The following GRIN2A variants were observed in gnomAD, a reference collection of about 807,000 sequenced individuals.
GRIN2A encodes glutamate receptor ionotropic, NMDA 2A.
A neutral mutation model predicts 113.4 loss-of-function variants in GRIN2A; 22 were observed. The observed-to-expected ratio is 0.19, with a 90% CI of 0.14 to 0.28. The LOEUF (loss-of-function observed/expected upper bound fraction) is 0.28, where lower values mean the gene tolerates loss of function less well. Ranked by LOEUF, GRIN2A falls within the 10% of genes least tolerant of loss-of-function variation. The pLI is 1.00. For synonymous variants in GRIN2A, 827 were observed against 738.4 expected, an observed-to-expected ratio of 1.12 and a Z score of -1.94; for missense variants, 1,502 against 1,887.0, an observed-to-expected ratio of 0.80 and a Z score of 3.78.
intron 2 of GRIN2A, among the ~76,000 whole-genome samples, chr16:10,000,300 T>C (rs1005944254): frequency 6.6e-6 from 1 of 152,210 alleles, no homozygotes; most frequent in African/African-American, 2.4e-5. Context: ...GTGAAGAACA[T>C]GCATGTGTTA....
intron 3 of GRIN2A, among the ~76,000 whole-genome samples, chr16:9,895,403 G>A (rs1375494711): frequency 6.6e-6 from 1 of 152,192 alleles, no homozygotes; most frequent in Admixed American, 6.5e-5. Context: ...ATAAGTTGGG[G>A]GCAAGTGGGA....
intron 2 of GRIN2A, chr16:10,171,523 C>A (rs2050041034): frequency 6.6e-6 from 1 of 152,192 alleles, no homozygotes; most frequent in South Asian, 2.1e-4. Flanking sequence ...AAGCTCTCAG[C>A]AAGTCCTACA....
At chr16:10,145,561 A>T (rs1017027642) in intron 2 of GRIN2A, among the ~76,000 whole-genome samples, 1 of 152,174 alleles carries the variant, frequency 6.6e-6, no homozygotes, top group Non-Finnish European at 1.5e-5. Flanking sequence ...AGGGTACATG[A>T]GTGTTCATTA....
intron 2 of GRIN2A, chr16:10,112,829 C>A: frequency 1.6e-6 from 1 of 625,014 alleles, no homozygotes. Context: ...CCATGTCAGC[C>A]CAGATCGAGG....
rs146580420 is a variant in GRIN2A at position 10,135,698 on chromosome 16, G to C, written c.414+44300C>G. On this transcript the variant is annotated intron_variant, in intron 2 of 12. Transcript: ENST00000330684. ...AGGTAAGTCCAATATCCACAGGGCA[G>C]GCTGGAACTTCTGGGCATGAGCTAA... is the stretch of plus-strand genomic sequence containing the variant. 3.5e-3 allele frequency among the ~76,000 whole-genome samples: 537 copies of C among 152,276 alleles called. 6 individuals carry two copies. The highest frequency in any genetic ancestry group is 0.012 in the African/African-American group (519 of 41,552).
At chr16:9,886,502 G>A (rs1026900959) in intron 4 of GRIN2A, among the ~76,000 whole-genome samples, 2 of 152,120 alleles carry the variant, frequency 1.3e-5, no homozygotes, top group East Asian at 3.8e-4. Flanking sequence ...TTAAAACCAA[G>A]GACAGTTAAC....
intron 2 of GRIN2A, among the ~76,000 whole-genome samples, chr16:10,014,693 C>T (rs767822358): frequency 2.6e-5 from 4 of 152,142 alleles, no homozygotes; most frequent in African/African-American, 4.8e-5. Context: ...CAAAGGGAAA[C>T]TCATTACCAA....
Position 9,798,477 on chromosome 16 carries a change from G to A in GRIN2A, c.2169-13C>T. 1.2e-6 allele frequency: 2 copies of A among 1,613,232 alleles called. No homozygotes were observed. The highest frequency in any genetic ancestry group is 1.3e-5 in the African/African-American group (1 of 75,020). On this transcript the variant is annotated splice_polypyrimidine_tract_variant and intron_variant, in intron 10 of 12. Transcript: ENST00000330684. ...AGCGTCCAGCTTCCTGAAATGACAA[G>A]AAACCAGGGGGTCATAGGGGTGGCC...
chr16:10,156,533 G>T (rs1419482059), intron 2 of GRIN2A, among the ~76,000 whole-genome samples: 1 of 152,194 alleles, frequency 6.6e-6, no homozygotes, highest in Admixed American at 6.5e-5. Context: ...GCACTGAGGG[G>T]AGGAAGATGA....
At chr16:10,047,390 G>A (rs1029219498) in intron 2 of GRIN2A, among the ~76,000 whole-genome samples, 4 of 152,190 alleles carry the variant, frequency 2.6e-5, no homozygotes, top group Non-Finnish European at 5.9e-5. Context: ...AATAAGGACT[G>A]CAAAACACCT....
intron 2 of GRIN2A, among the ~76,000 whole-genome samples, chr16:10,129,457 C>T (rs935339421): frequency 6.6e-6 from 1 of 152,098 alleles, no homozygotes; most frequent in Non-Finnish European, 1.5e-5. Flanking sequence ...GGGCTAATGG[C>T]TAGAGTGGAG....
At chr16:9,941,640 G>A (rs2044879164) in intron 2 of GRIN2A, among the ~76,000 whole-genome samples, 1 of 152,160 alleles carries the variant, frequency 6.6e-6, no homozygotes, top group Admixed American at 6.5e-5. Context: ...GGACTACCCA[G>A]CTCCAATCCT....
chr16:10,137,651 G>A (rs1296485100), intron 2 of GRIN2A, among the ~76,000 whole-genome samples: 1 of 152,076 alleles, frequency 6.6e-6, no homozygotes, highest in East Asian at 1.9e-4. Flanking sequence ...TTCAACTCAC[G>A]TGCCATTTTT....
At chr16:10,019,456 C>G (rs837704) in intron 2 of GRIN2A, among the ~76,000 whole-genome samples, 103,820 of 152,078 alleles carry the variant, frequency 0.68, 35,957 homozygotes, top group Middle Eastern at 0.8. Context: ...AATCTGTAAG[C>G]ATTTCAAAGA....
chr16:9,883,114 T>C (rs1261559806), intron 4 of GRIN2A, among the ~76,000 whole-genome samples: 2 of 152,142 alleles, frequency 1.3e-5, no homozygotes, highest in African/African-American at 2.4e-5. Flanking sequence ...GAACCAGAAC[T>C]TCCATCTCTG....
chr16:10,153,213 A>G (rs2049620847), intron 2 of GRIN2A, among the ~76,000 whole-genome samples: 1 of 152,116 alleles, frequency 6.6e-6, no homozygotes, highest in African/African-American at 2.4e-5. Flanking sequence ...GGCAGGGGGT[A>G]TTTGGGATAT....
chr16:10,127,542 T>C (rs1163312752), intron 2 of GRIN2A, among the ~76,000 whole-genome samples: 3 of 152,176 alleles, frequency 2.0e-5, no homozygotes, highest in Non-Finnish European at 4.4e-5. Flanking sequence ...CAAGAGCCTT[T>C]AGTATCATTT....
At chr16:9,900,122 G>T (rs2043891275) in intron 3 of GRIN2A, among the ~76,000 whole-genome samples, 1 of 152,226 alleles carries the variant, frequency 6.6e-6, no homozygotes, top group Non-Finnish European at 1.5e-5. Context: ...GGTAGCAGTA[G>T]TTGTCATGGT....
chr16:9,938,036 G>A lies in GRIN2A; in HGVS notation c.930C>T (p.Phe310=), dbSNP rs1322930038. 4 of 1,614,094 alleles carry A rather than the reference G, an allele frequency of 2.5e-6. No individual in the cohort carries two copies. In the South Asian group the frequency reaches 4.4e-5, roughly 18 times the overall value. ...TGGCCTTGGCCTCGGGGATGTAGGA[G>A]AACTTCTCCAGCATAGAAGATGCAG... ...TTAASSMLEK[F]SYIPEAKASC... Residue 310 remains phenylalanine, a synonymous_variant, in exon 3 of 13, where the codon TTC becomes TTT. Coordinates refer to ENST00000330684, the MANE Select transcript of GRIN2A (RefSeq NM_001134407.3).
Sources: gnomAD v4.1 joint callset for allele counts (sites outside exome capture counted in the v4.1 genomes callset) on GRCh38, gnomAD v4.1.1 for gene constraint, MANE v1.5 for transcripts, NCBI Gene and HGNC (gene_info 2026-07-23, HGNC 2026-07-21) for gene names.